Variants in UTP4 observed in about 807,000 individuals in gnomAD.
The protein encoded by UTP4 is UTP4 small subunit processome component.
A neutral mutation model predicts 82.4 loss-of-function variants in UTP4; 45 were observed. The observed-to-expected ratio is 0.55, with a 90% CI of 0.43 to 0.70. UTP4 has a LOEUF of 0.70. Ranked by LOEUF, UTP4 falls within the 30% of genes least tolerant of loss-of-function variation. The pLI is 0.00. For missense variants in UTP4, 819 were observed against 858.3 expected (o/e 0.95, Z 0.57); for synonymous variants, 348 against 300.3 (o/e 1.16, Z -1.64).
rs1264686206 is a variant in UTP4, at chr16:69,147,214, TA to T, written c.739-3321del. On this transcript the variant is annotated intron_variant, in intron 6 of 16. Transcript: ENST00000314423. ...ATAATAATAATAATAATAATAATAA[TA>T]ATAATAAGCCGGGCGTGGTGACTCA... 2.8e-5 allele frequency among the ~76,000 whole-genome samples: 4 copies of T among 141,848 alleles called. No homozygotes were observed. In the South Asian group the frequency reaches 7.1e-4, roughly 25 times the overall value. The allele number at this position is 141,848 out of a possible 152,430, so 93.1% of individuals were successfully genotyped here. A position where few individuals can be genotyped will look rare whatever the true frequency, so the allele number is the denominator to read the frequency against.
intron 15 of UTP4, chr16:69,166,304 G>A (rs1369266666): frequency 6.5e-6 from 1 of 154,690 alleles, no homozygotes; most frequent in Non-Finnish European, 1.4e-5. Flanking sequence ...CTCTAAAGGA[G>A]GTGTGCACGG....
At chr16:69,153,752 A>C (rs779769091) in intron 9 of UTP4, 72 bp downstream of exon 9, 7 of 1,023,606 alleles carry the variant, frequency 6.8e-6, no homozygotes, top group African/African-American at 3.2e-5. Context: ...TGCGGTTGGA[A>C]TTCTGCTTAT....
intron 16 of UTP4, 132 bp from the exon 17 acceptor site, chr16:69,168,689 C>A: frequency 1.3e-6 from 1 of 747,770 alleles, no homozygotes; most frequent in Non-Finnish European, 2.4e-6. Context: ...GAAAGATTGT[C>A]AAGAAATTTA....
At chr16:69,161,084 C>T (rs920840019) in intron 13 of UTP4, among the ~76,000 whole-genome samples, 7 of 152,036 alleles carry the variant, frequency 4.6e-5, no homozygotes, top group Non-Finnish European at 4.4e-5. Context: ...TCTGTATTTT[C>T]GGGAGGAAAA....
intron 15 of UTP4, chr16:69,165,917 A>T (rs1041961076): frequency 8.4e-6 from 3 of 358,682 alleles, no homozygotes; most frequent in African/African-American, 6.3e-5. Flanking sequence ...GTATCTGAAT[A>T]ACCTGGTTTC....
chr16:69,138,304 C>G (rs1032348464), intron 4 of UTP4, among the ~76,000 whole-genome samples: 79 of 149,072 alleles, frequency 5.3e-4, no homozygotes, highest in African/African-American at 1.8e-3. Flanking sequence ...GTGGCATGAT[C>G]TCGGCTCACT....
chr16:69,137,727 GGTGTGT>G, intron 3 of UTP4, 68 bp from the exon 4 acceptor site: 1 of 804,080 alleles, frequency 1.2e-6, no homozygotes, highest in Non-Finnish European at 2.2e-6. Flanking sequence ...TGTGTTGGGG[GGTGTGT>G]GTGTGTGTTT....
chr16:69,164,975 C>G (rs1246833959), intron 14 of UTP4, among the ~76,000 whole-genome samples: 1 of 152,028 alleles, frequency 6.6e-6, no homozygotes, highest in Non-Finnish European at 1.5e-5. Flanking sequence ...GCGGGCAGAT[C>G]ACGAGGTCAG....
At position 69,133,755 on chromosome 16, in the gene UTP4, C is replaced by T. The variant is rs1038354027; in HGVS notation, c.159+137C>T. The T allele has an allele frequency of 2.5e-5, 20 of 803,704 alleles. No individual in the cohort carries two copies. In the Middle Eastern group the frequency reaches 1.0e-3, roughly 40 times the overall value. The allele number at this position is 803,704 out of a possible 1,614,324, so 49.8% of individuals were successfully genotyped here. A position where few individuals can be genotyped will look rare whatever the true frequency, so the allele number is the denominator to read the frequency against. On this transcript the variant is annotated intron_variant, in intron 2 of 16. Transcript: ENST00000314423. ...GAAGTTGCTTAGAACTACCAAACTT[C>T]TGAGATCTCCTAACTGATAAGAGAA...
chr16:69,156,587 T>A (rs1963422277), intron 11 of UTP4, among the ~76,000 whole-genome samples: 1 of 151,602 alleles, frequency 6.6e-6, no homozygotes, highest in African/African-American at 2.4e-5. Flanking sequence ...GCCTCCCGAG[T>A]AGCTGGGATT....
chr16:69,165,558 CTTCTGAATCTTA>C lies in UTP4; in HGVS notation c.1833+33_1833+44del, dbSNP rs756045636. On this transcript the variant is annotated intron_variant, in intron 15 of 16. Coordinates refer to ENST00000314423, the MANE Select transcript of UTP4 (RefSeq NM_032830.3). ...TCTTCACTGCTACCTCCCAAATCTT[CTTCTGAATCTTA>C]AAGTTCTAAAAGCAACAAGTACAAT... The C allele has an allele frequency of 1.6e-5, 26 of 1,576,392 alleles. No homozygotes were observed. In the African/African-American group the frequency reaches 3.5e-4, roughly 21 times the overall value.
chr16:69,143,247 G>A lies in UTP4; in HGVS notation c.596G>A (p.Trp199Ter). ...MGVSKRKCIVWGVAFLSDGTI... is the reference protein window; with the variant it reads ...MGVSKRKCIV ...GTGTCTAAGCGGAAGTGCATCGTGT[G>A]GGGTGTCGCCTTCTTGTCCGATGGC... Residue 199 changes from tryptophan to a stop codon, truncating the protein, a stop_gained, in exon 6 of 17, where the codon TGG becomes TAG. Transcript: ENST00000314423. LOFTEE classifies it high-confidence loss of function. 6.2e-7 allele frequency: 1 copy of A among 1,614,234 alleles called. No homozygotes were observed. The highest frequency in any genetic ancestry group is 8.5e-7 in the Non-Finnish European group (1 of 1,180,038).
chr16:69,165,465 A>G lies in UTP4; in HGVS notation c.1772A>G (p.Lys591Arg), dbSNP rs1293512706. The part of the protein sequence containing the change: ...TPITHISFHP[K>R]RPMHILLHDA... ...ATCACACACATCAGTTTTCATCCCA[A>G]GAGACCGATGCACATCCTTCTCCAT... Residue 591 changes from lysine (K) to arginine (R), a missense_variant, in exon 15 of 17, where the codon AAG becomes AGG. Physicochemically the swap from Lys to Arg is conservative, Grantham distance 26. Coordinates refer to ENST00000314423, the MANE Select transcript of UTP4 (RefSeq NM_032830.3). 6 of 1,613,988 alleles carry G rather than the reference A, an allele frequency of 3.7e-6. No homozygotes were observed. In the Admixed American group the frequency reaches 8.3e-5, roughly 22 times the overall value.
In UTP4 at chr16:69,137,988, A is replaced by G. The variant is rs561584678; in HGVS notation, c.436+103A>G. On this transcript the variant is annotated intron_variant, in intron 4 of 16. Coordinates refer to ENST00000314423, the MANE Select transcript of UTP4 (RefSeq NM_032830.3). ...TTCCCATGAATCCAGGTAATATTTT[A>G]TCTCTACTGGGTACAGGGAGGGTAT... 8 of 787,922 alleles carry G rather than the reference A, an allele frequency of 1.0e-5. No individual in the cohort carries two copies. The African/African-American group carries it at 1.0e-4, about 10-fold the overall frequency. 48.8% of individuals were successfully genotyped at this position (787,922 alleles called of 1,614,324 possible).
intron 5 of UTP4, among the ~76,000 whole-genome samples, chr16:69,140,855 C>T (rs2152277537): frequency 6.6e-6 from 1 of 152,264 alleles, no homozygotes; most frequent in Admixed American, 6.5e-5. Context: ...TTTTTACTGA[C>T]TTCTGCAACT....
At chr16:69,147,911 C>T (rs753211866) in intron 6 of UTP4, among the ~76,000 whole-genome samples, 5 of 151,996 alleles carry the variant, frequency 3.3e-5, no homozygotes, top group African/African-American at 4.8e-5. Flanking sequence ...GGACTACAGG[C>T]TCATGCCACC....
chr16:69,136,681 AT>A lies in UTP4; in HGVS notation c.160-14del. The A allele has an allele frequency of 6.2e-7, 1 of 1,613,708 alleles. No homozygotes were observed. Among genetic ancestry groups the A allele is most frequent in the Non-Finnish European group, 8.5e-7 (1 of 1,179,716 alleles). ...GAATTTGTGGTAATGTTGAGAAGTT[AT>A]GGTGTTTCTGCAGTTTTTCCCAGGT... is the stretch of plus-strand genomic sequence containing the variant. On this transcript the variant is annotated splice_polypyrimidine_tract_variant and intron_variant, in intron 2 of 16. Transcript: ENST00000314423.
chr16:69,164,881 G>T (rs1332478777), intron 14 of UTP4, among the ~76,000 whole-genome samples: 2 of 152,038 alleles, frequency 1.3e-5, no homozygotes, highest in East Asian at 3.9e-4. Context: ...AGAACGCTAT[G>T]TATTATGTGC....
intron 10 of UTP4, among the ~76,000 whole-genome samples, chr16:69,155,057 G>A (rs565474370): frequency 1.3e-5 from 2 of 151,720 alleles, no homozygotes; most frequent in East Asian, 1.9e-4. Flanking sequence ...GTACAAAAGG[G>A]TATACAATGA....
Sources: allele counts gnomAD v4.1 joint callset (sites outside exome capture counted in the v4.1 genomes callset), GRCh38; gene constraint gnomAD v4.1.1; transcripts MANE v1.5; gene names NCBI Gene and HGNC (gene_info 2026-07-23, HGNC 2026-07-21).